Variants in VPS13B observed in about 807,000 individuals in gnomAD.
The protein encoded by VPS13B is vacuolar protein sorting 13 homolog B, also known as intermembrane lipid transfer protein VPS13B.
In VPS13B, 285 loss-of-function variants were observed where a neutral mutation model predicts 426.4. The observed-to-expected ratio is 0.67, with a 90% confidence interval of 0.61 to 0.74. VPS13B has a LOEUF of 0.74. VPS13B is among the 30% of genes least tolerant of loss of function. VPS13B has a pLI of 0.00. For missense variants in VPS13B, 4,537 were observed against 4,782.6 expected (o/e 0.95, Z 1.51); for synonymous variants, 1,676 against 1,676.4 (o/e 1.00, Z 0.01).
intron 19 of VPS13B, among the ~76,000 whole-genome samples, chr8:99,334,866 G>A (rs562898450): frequency 1.3e-5 from 2 of 152,216 alleles, no homozygotes; most frequent in Admixed American, 6.5e-5. Context: ...GATGACACTG[G>A]CCTCATAAAA....
chr8:99,742,522 A>C (rs1330565682), intron 39 of VPS13B, among the ~76,000 whole-genome samples: 1 of 152,170 alleles, frequency 6.6e-6, no homozygotes, highest in Non-Finnish European at 1.5e-5. Flanking sequence ...GACACAACCA[A>C]AAGAGAGAAT....
chr8:99,676,537 C>T (rs1194888553), intron 35 of VPS13B, among the ~76,000 whole-genome samples: 1 of 151,808 alleles, frequency 6.6e-6, no homozygotes, highest in East Asian at 1.9e-4. Context: ...CTAGTTCCCC[C>T]AAGCAGACGG....
intron 39 of VPS13B, among the ~76,000 whole-genome samples, chr8:99,731,297 C>T (rs1833589900): frequency 6.6e-6 from 1 of 152,148 alleles, no homozygotes; most frequent in African/African-American, 2.4e-5. Context: ...TCTATCTTCC[C>T]TCTAACCTTG....
intron 28 of VPS13B, 42 bp downstream of exon 28, chr8:99,507,245 T>C (rs1195860972): frequency 6.3e-7 from 1 of 1,582,774 alleles, no homozygotes. Context: ...AAATGTACTT[T>C]AAACTGTTTA....
At chr8:99,732,330 T>C (rs1049249749) in intron 39 of VPS13B, among the ~76,000 whole-genome samples, 1 of 152,150 alleles carries the variant, frequency 6.6e-6, no homozygotes, top group African/African-American at 2.4e-5. Flanking sequence ...TCCTTCATGG[T>C]CCAAGATGGC....
At chr8:99,106,124 A>G (rs930702536) in intron 5 of VPS13B, among the ~76,000 whole-genome samples, 1 of 152,078 alleles carries the variant, frequency 6.6e-6, no homozygotes, top group African/African-American at 2.4e-5. Context: ...CAAGAAAGAA[A>G]GAGCATTAAG....
At chr8:99,560,843 C>T (rs1824877083) in intron 31 of VPS13B, among the ~76,000 whole-genome samples, 1 of 152,108 alleles carries the variant, frequency 6.6e-6, no homozygotes. Context: ...TTAGGAGGTG[C>T]CAGCTTATAA....
intron 39 of VPS13B, among the ~76,000 whole-genome samples, chr8:99,746,175 C>T (rs1458099487): frequency 6.6e-6 from 1 of 151,990 alleles, no homozygotes; most frequent in African/African-American, 2.4e-5. Flanking sequence ...CCCATATCTT[C>T]TGTAATCTAG....
At chr8:99,757,173 G>A (rs1413785997) in intron 39 of VPS13B, among the ~76,000 whole-genome samples, 1 of 152,218 alleles carries the variant, frequency 6.6e-6, no homozygotes, top group African/African-American at 2.4e-5. Context: ...ACCCTGGGAA[G>A]TCTAGAAATA....
intron 20 of VPS13B, among the ~76,000 whole-genome samples, chr8:99,387,514 G>A (rs1814193636): frequency 6.6e-6 from 1 of 152,012 alleles, no homozygotes. Context: ...TGAACCCCAT[G>A]TCCAGCCCAG....
chr8:99,701,319 G>A (rs1229356960), intron 36 of VPS13B, among the ~76,000 whole-genome samples: 2 of 152,182 alleles, frequency 1.3e-5, no homozygotes, highest in East Asian at 1.9e-4. Context: ...TGCCTTTCCA[G>A]TTGTACCTCA....
At chr8:99,289,847 T>C (rs1020992886) in intron 19 of VPS13B, among the ~76,000 whole-genome samples, 1 of 152,274 alleles carries the variant, frequency 6.6e-6, no homozygotes, top group East Asian at 1.9e-4. Flanking sequence ...AGATTTATTA[T>C]AATGACTTAT....
At chr8:99,178,868 C>T (rs1290715537) in intron 16 of VPS13B, among the ~76,000 whole-genome samples, 2 of 151,990 alleles carry the variant, frequency 1.3e-5, no homozygotes, top group Non-Finnish European at 1.5e-5. Flanking sequence ...GTGAGCCACC[C>T]GCCTCGGCCT....
At chr8:99,540,753 T>G (rs1039315826) in intron 30 of VPS13B, among the ~76,000 whole-genome samples, 33 of 152,338 alleles carry the variant, frequency 2.2e-4, no homozygotes, top group African/African-American at 7.9e-4. Flanking sequence ...ACAAAAACTT[T>G]CTTGTTTTTG....
intron 49 of VPS13B, among the ~76,000 whole-genome samples, chr8:99,821,020 C>T (rs976581738): frequency 6.0e-5 from 9 of 150,180 alleles, no homozygotes; most frequent in Admixed American, 4.0e-4. Context: ...TTTTCCCCTC[C>T]CTTCCGTAAA....
intron 17 of VPS13B, among the ~76,000 whole-genome samples, chr8:99,247,133 G>T (rs1397972346): frequency 6.6e-6 from 1 of 152,058 alleles, no homozygotes; most frequent in Non-Finnish European, 1.5e-5. Context: ...TTGCATGAAG[G>T]TACCAGTAAG....
At chr8:99,819,791 A>C in intron 48 of VPS13B, 130 bp from the exon 49 acceptor site, 1 of 1,303,208 alleles carries the variant, frequency 7.7e-7, no homozygotes, top group Non-Finnish European at 1.1e-6. Context: ...ATGCAAATTT[A>C]GCATTGAAAG....
chr8:99,430,827 C>T (rs1349940599), intron 21 of VPS13B, among the ~76,000 whole-genome samples: 3 of 151,812 alleles, frequency 2.0e-5, no homozygotes, highest in South Asian at 2.1e-4. Context: ...CAAGTGATTC[C>T]CCTGCCTCAG....
At chr8:99,358,035 C>CACCA (rs35953815) in intron 19 of VPS13B, among the ~76,000 whole-genome samples, 2 of 147,868 alleles carry the variant, frequency 1.4e-5, no homozygotes, top group Non-Finnish European at 3.0e-5. Flanking sequence ...CACACACACA[C>CACCA]CACACACACT....
Sources: allele counts gnomAD v4.1 joint callset (sites outside exome capture counted in the v4.1 genomes callset), GRCh38; gene constraint gnomAD v4.1.1; transcripts MANE v1.5; gene names NCBI Gene and HGNC (gene_info 2026-07-23, HGNC 2026-07-21).